DIP2B: variants seen among roughly 807,000 people sequenced by gnomAD.
DIP2B encodes the protein DIP2 acetate--CoA ligase B (putative), also known as disco-interacting protein 2 homolog B.
A neutral mutation model predicts 198.0 loss-of-function variants in DIP2B; 76 were observed. The ratio of observed to expected loss-of-function variants is 0.38; its 90% CI spans 0.32 to 0.46. The LOEUF is 0.46. Among genes scored for constraint, DIP2B ranks in the 20% least tolerant of loss-of-function variants. The pLI, the probability that DIP2B is intolerant of heterozygous loss-of-function variation, is 0.99. For synonymous variants in DIP2B, 701 were observed against 739.1 expected (o/e 0.95, Z 0.84); for missense variants, 1,559 against 1,978.4 (o/e 0.79, Z 4.02).
intron 1 of DIP2B, among the ~76,000 whole-genome samples, chr12:50,515,577 G>A (rs186102944): frequency 1.3e-5 from 2 of 152,236 alleles, no homozygotes; most frequent in East Asian, 3.9e-4. Context: ...CCTAACCTTT[G>A]TGGCATAGTT....
chr12:50,697,071 A>G lies in DIP2B; in HGVS notation c.1944A>G (p.Ser648=). Residue 648 remains serine (S), a synonymous_variant, in exon 17 of 38, where the codon TCA becomes TCG. Transcript: ENST00000301180. Reference sequence around the variant, plus strand: ...GTTCCAACTCCTTAGGGTCCGTGTCATCCTGTGATGCCTTCCTGAGTCTGT... The same window carrying G: ...GTTCCAACTCCTTAGGGTCCGTGTCGTCCTGTGATGCCTTCCTGAGTCTGT... ...VTDGANPWSV[S]SCDAFLSLFQ... 6.2e-7 allele frequency: 1 copy of G among 1,614,058 alleles called. No individual in the cohort carries two copies. The highest frequency in any genetic ancestry group is 8.5e-7 in the Non-Finnish European group (1 of 1,179,940).
intron 8 of DIP2B, chr12:50,679,283 A>G (rs1200014126): frequency 5.7e-6 from 1 of 176,274 alleles, no homozygotes; most frequent in Non-Finnish European, 1.2e-5. Flanking sequence ...TGAACAAAGA[A>G]TGAGTACTTT....
At chr12:50,547,274 T>C (rs1958386090) in intron 1 of DIP2B, among the ~76,000 whole-genome samples, 3 of 152,228 alleles carry the variant, frequency 2.0e-5, no homozygotes, top group African/African-American at 7.2e-5. Flanking sequence ...AATTGAATGA[T>C]GACTGTACAA....
intron 6 of DIP2B, 44 bp downstream of exon 6, chr12:50,674,673 C>G: frequency 6.2e-7 from 1 of 1,605,694 alleles, no homozygotes; most frequent in Non-Finnish European, 8.5e-7. Context: ...GTAAACTAAA[C>G]TAGAAAAATT....
At chr12:50,587,019 C>T (rs1409198276) in intron 1 of DIP2B, among the ~76,000 whole-genome samples, 2 of 152,194 alleles carry the variant, frequency 1.3e-5, no homozygotes, top group African/African-American at 4.8e-5. Context: ...GATATTTTCA[C>T]TGTATGTGTC....
At chr12:50,540,233 G>A (rs1378036465) in intron 1 of DIP2B, among the ~76,000 whole-genome samples, 7 of 149,050 alleles carry the variant, frequency 4.7e-5, no homozygotes, top group Non-Finnish European at 8.9e-5. Flanking sequence ...TCAGCCTCCC[G>A]AGTAGCTGGG....
At chr12:50,623,425 ACACACACACACACTCTCTCTCTCT>A (rs1395827082) in intron 1 of DIP2B, among the ~76,000 whole-genome samples, 2 of 52,942 alleles carry the variant, frequency 3.8e-5, no homozygotes, top group African/African-American at 1.4e-4. Flanking sequence ...ACACACACAC[ACACACACACACACTCTCTCTCTCT>A]CTCTCTCTCT....
At chr12:50,578,287 G>A (rs1428047845) in intron 1 of DIP2B, among the ~76,000 whole-genome samples, 3 of 151,518 alleles carry the variant, frequency 2.0e-5, no homozygotes, top group Admixed American at 6.6e-5. Flanking sequence ...GATTATAGGC[G>A]TGAGCCACTG....
intron 1 of DIP2B, among the ~76,000 whole-genome samples, chr12:50,556,061 T>C (rs1462147491): frequency 6.6e-6 from 1 of 152,162 alleles, no homozygotes; most frequent in East Asian, 1.9e-4. Context: ...TTCATTGTTT[T>C]TTTTCCCCCC....
chr12:50,744,584 C>T lies in DIP2B; in HGVS notation c.4479-3C>T. The T allele has an allele frequency of 1.9e-6, 3 of 1,611,352 alleles. No homozygotes were observed. Among genetic ancestry groups the T allele is most frequent in the Non-Finnish European group, 2.5e-6 (3 of 1,177,610 alleles). The stretch of plus-strand genomic sequence containing the variant: ...AGTTAATGAATTGTCATTGAAATTT[C>T]AGTGCCGTGTTCACATGGACCAACT... On this transcript the variant is annotated splice_polypyrimidine_tract_variant and splice_region_variant and intron_variant, in intron 37 of 37. Coordinates refer to ENST00000301180, the MANE Select transcript of DIP2B (RefSeq NM_173602.3).
intron 1 of DIP2B, among the ~76,000 whole-genome samples, chr12:50,600,980 T>C (rs1958931247): frequency 6.9e-6 from 1 of 145,248 alleles, no homozygotes; most frequent in South Asian, 2.4e-4. Flanking sequence ...TCTCACATTC[T>C]CAACTGGGTC....
chr12:50,687,398 T>C, intron 12 of DIP2B, among the ~76,000 whole-genome samples: 1 of 152,246 alleles, frequency 6.6e-6, no homozygotes, highest in East Asian at 1.9e-4. Flanking sequence ...TTCACCACTC[T>C]GCATCCTGCC....
At chr12:50,520,199 AG>A (rs1229553904) in intron 1 of DIP2B, among the ~76,000 whole-genome samples, 2 of 152,042 alleles carry the variant, frequency 1.3e-5, no homozygotes, top group African/African-American at 4.8e-5. Context: ...CACCATGCTC[AG>A]CTAATTTTTG....
Position 50,643,451 on chromosome 12 carries a change from G to GTT in DIP2B, c.301+2602_301+2603dup, listed in dbSNP as rs1491330884. 6.7e-4 allele frequency among the ~76,000 whole-genome samples: 96 copies of GTT among 142,496 alleles called. 1 individual carries two copies. The highest frequency in any genetic ancestry group is 8.7e-4 in the Non-Finnish European group (57 of 65,672). 93.5% of individuals were successfully genotyped at this position (142,496 alleles called of 152,430 possible). A position where few individuals can be genotyped will look rare whatever the true frequency, so the allele number is the denominator to read the frequency against. ...TGTGTGTGTGTGTGTGTGTGTGTGT[G>GTT]TTTTAAAGGATAGTAGCAAAAAGTA... On this transcript the variant is annotated intron_variant, in intron 3 of 37. Coordinates refer to ENST00000301180, the MANE Select transcript of DIP2B (RefSeq NM_173602.3).
At chr12:50,723,783 A>G (rs1939882853) in intron 27 of DIP2B, among the ~76,000 whole-genome samples, 1 of 152,144 alleles carries the variant, frequency 6.6e-6, no homozygotes. Flanking sequence ...CCTTCTGTCT[A>G]AAACGTGCTG....
At chr12:50,567,998 A>G (rs1328166889) in intron 1 of DIP2B, among the ~76,000 whole-genome samples, 9 of 152,042 alleles carry the variant, frequency 5.9e-5, no homozygotes, top group South Asian at 2.1e-4. Flanking sequence ...TCCTATTACA[A>G]TCCTCTGGAG....
intron 1 of DIP2B, among the ~76,000 whole-genome samples, chr12:50,600,589 T>C (rs555609559): frequency 1.6e-4 from 24 of 152,180 alleles, no homozygotes; most frequent in Non-Finnish European, 1.2e-4. Context: ...CATTCACTTA[T>C]CTACTGAAAG....
chr12:50,747,606 T>G lies in DIP2B; in HGVS notation c.*2767T>G, dbSNP rs1430792660. 3 of 152,248 alleles carry G rather than the reference T, an allele frequency of 2.0e-5. No homozygotes were observed. Among genetic ancestry groups the G allele is most frequent in the African/African-American group, 7.2e-5 (3 of 41,468 alleles). 9.4% of individuals were successfully genotyped at this position (152,248 alleles called of 1,614,324 possible). Reference sequence around the variant, plus strand: ...TTGATGACACAGTGCTCCTACTCTATCCACATTAAGTAGCACTTTTGTGGT... The same window carrying G: ...TTGATGACACAGTGCTCCTACTCTAGCCACATTAAGTAGCACTTTTGTGGT... On this transcript the variant is annotated 3_prime_UTR_variant, in exon 38 of 38. Coordinates refer to ENST00000301180, the MANE Select transcript of DIP2B (RefSeq NM_173602.3).
In DIP2B at chr12:50,511,291, A is replaced by ATTTTTTTTTTTTTTT. The variant is rs71083581; in HGVS notation, c.100+6058_100+6072dup. Among the ~76,000 whole-genome samples the ATTTTTTTTTTTTTTT allele has an allele frequency of 4.1e-3, 266 of 64,666 alleles. 67 individuals carry two copies. Among genetic ancestry groups the ATTTTTTTTTTTTTTT allele is most frequent in the East Asian group, 0.016 (27 of 1,678 alleles). 42.4% of individuals were successfully genotyped at this position (64,666 alleles called of 152,430 possible). A position where few individuals can be genotyped will look rare whatever the true frequency, so the allele number is the denominator to read the frequency against. ...CCTATCCCTGACCAGTGTGATTTCT[A>ATTTTTTTTTTTTTTT]TTTTTTTTTTTTTTTTTTTTTGAGA... On this transcript the variant is annotated intron_variant, in intron 1 of 37. Coordinates refer to ENST00000301180, the MANE Select transcript of DIP2B (RefSeq NM_173602.3).
Sources: allele counts gnomAD v4.1 joint callset (sites outside exome capture counted in the v4.1 genomes callset), GRCh38; gene constraint gnomAD v4.1.1; transcripts MANE v1.5; gene names NCBI Gene and HGNC (gene_info 2026-07-23, HGNC 2026-07-21).